Variants in SYT14 observed in about 807,000 individuals in gnomAD.
SYT14 encodes synaptotagmin-14.
SYT14 carries 32 observed loss-of-function variants against 74.2 expected under a neutral mutation model. The ratio of observed to expected loss-of-function variants is 0.43; its 90% confidence interval spans 0.33 to 0.58. The LOEUF (loss-of-function observed/expected upper bound fraction) is 0.58, where lower values mean the gene tolerates loss of function less well. Ranked by LOEUF, SYT14 falls within the 20% of genes least tolerant of loss-of-function variation. The pLI is 0.05. For synonymous variants in SYT14, 298 were observed against 337.7 expected (o/e 0.88, Z 1.29); for missense variants, 791 against 981.8 (o/e 0.81, Z 2.60).
chr1:209,964,009 T>C (rs534061086), intron 2 of SYT14, among the ~76,000 whole-genome samples: 101 of 152,348 alleles, frequency 6.6e-4, no homozygotes, highest in African/African-American at 2.3e-3. Context: ...TAAGTTGTTA[T>C]ACACGCTTGG....
intron 2 of SYT14, among the ~76,000 whole-genome samples, chr1:209,982,930 A>G (rs1013275403): frequency 6.6e-6 from 1 of 152,062 alleles, no homozygotes; most frequent in African/African-American, 2.4e-5. Context: ...CTTAATTTGC[A>G]TTACCCTGAT....
intron 7 of SYT14, among the ~76,000 whole-genome samples, chr1:210,101,302 A>G (rs2082061499): frequency 6.6e-6 from 1 of 152,162 alleles, no homozygotes; most frequent in Admixed American, 6.5e-5. Flanking sequence ...CATTTTTAAA[A>G]TATAAATATA....
At chr1:209,988,384 C>A (rs2079607621) in intron 2 of SYT14, among the ~76,000 whole-genome samples, 1 of 152,146 alleles carries the variant, frequency 6.6e-6, no homozygotes, top group Admixed American at 6.5e-5. Flanking sequence ...TTGTTAGTGT[C>A]CCTGTCTCCT....
intron 7 of SYT14, among the ~76,000 whole-genome samples, chr1:210,139,088 TTA>T (rs1253052639): frequency 2.3e-5 from 2 of 88,698 alleles, no homozygotes; most frequent in Non-Finnish European, 4.2e-5. Context: ...AAGAGTACTT[TTA>T]TTTTTTTTTT....
intron 9 of SYT14, 35 bp from the exon 9 acceptor site, chr1:210,160,694 T>C: frequency 6.3e-7 from 1 of 1,586,694 alleles, no homozygotes; most frequent in Non-Finnish European, 8.6e-7. Flanking sequence ...TTGTTTCAAA[T>C]GATATTTGTG....
intron 2 of SYT14, among the ~76,000 whole-genome samples, chr1:209,964,973 A>C (rs2079132615): frequency 6.6e-6 from 1 of 152,214 alleles, no homozygotes; most frequent in Non-Finnish European, 1.5e-5. Context: ...GGCCAACCTT[A>C]TAAGCAGGCT....
chr1:210,112,179 C>T (rs906431312), intron 7 of SYT14, among the ~76,000 whole-genome samples: 2 of 151,348 alleles, frequency 1.3e-5, no homozygotes, highest in South Asian at 2.1e-4. Context: ...TCTACCCAGA[C>T]CAAGTGGTAT....
Position 210,059,451 on chromosome 1 carries a change from T to TATATATAGAGAG in SYT14, c.1313-34870_1313-34869insTATATAGAGAGA, listed in dbSNP as rs377050610. Among the ~76,000 whole-genome samples, 260 of 69,878 alleles carry TATATATAGAGAG rather than the reference T, an allele frequency of 3.7e-3. 1 individual carries two copies. The highest frequency in any genetic ancestry group is 8.6e-3 in the African/African-American group (110 of 12,734). 45.8% of individuals were successfully genotyped at this position (69,878 alleles called of 152,430 possible). On this transcript the variant is annotated intron_variant, in intron 5 of 9. Transcript: ENST00000637265. The stretch of plus-strand genomic sequence containing the variant: ...GAATATATATATATATATATATATA[T>TATATATAGAGAG]AGAGAGAGAGAGAGAGAGAGAGAGA...
chr1:209,952,957 A>T, intron 2 of SYT14: 1 of 1,218,770 alleles, frequency 8.2e-7, no homozygotes, highest in Non-Finnish European at 1.1e-6. Context: ...CTTTATATTT[A>T]GTTTTGATGG....
intron 2 of SYT14, among the ~76,000 whole-genome samples, chr1:209,990,552 TATATATAC>T (rs1558114704): frequency 9.2e-6 from 1 of 109,258 alleles, no homozygotes; most frequent in African/African-American, 2.9e-5. Context: ...TATATATGTA[TATATATAC>T]GTATATATAT....
intron 5 of SYT14, among the ~76,000 whole-genome samples, chr1:210,031,288 A>G (rs1447430200): frequency 6.6e-6 from 1 of 152,050 alleles, no homozygotes; most frequent in Non-Finnish European, 1.5e-5. Flanking sequence ...AATAAAACCC[A>G]GTTGGTTGTG....
At position 210,000,613 on chromosome 1, in the gene SYT14, C is replaced by CTTTTTTTTTTTTTTTTTTTTTTT. The variant is rs71146203; in HGVS notation, c.-485-13001_-485-13000insTTTTTTTTTTTTTTTTTTTTTTT. ...TTTCATTAGGGCTGTTTTATGCCTT[C>CTTTTTTTTTTTTTTTTTTTTTTT]TTTTTTTTTTTTTTTTTTTGAGATA... On this transcript the variant is annotated intron_variant, in intron 2 of 9. Coordinates refer to ENST00000637265, the Ensembl canonical transcript of SYT14. 6.3e-4 allele frequency among the ~76,000 whole-genome samples: 66 copies of CTTTTTTTTTTTTTTTTTTTTTTT among 105,412 alleles called. 8 individuals are homozygous for CTTTTTTTTTTTTTTTTTTTTTTT. Among genetic ancestry groups the CTTTTTTTTTTTTTTTTTTTTTTT allele is most frequent in the East Asian group, 5.3e-3 (18 of 3,426 alleles). The allele number at this position is 105,412 out of a possible 152,430, so 69.2% of individuals were successfully genotyped here.
At chr1:210,145,882 C>A (rs2083022583) in intron 7 of SYT14, among the ~76,000 whole-genome samples, 1 of 152,132 alleles carries the variant, frequency 6.6e-6, no homozygotes, top group Non-Finnish European at 1.5e-5. Context: ...ATATTTTCTC[C>A]CATAAAATCT....
At chr1:210,075,074 T>C (rs572353969) in intron 5 of SYT14, among the ~76,000 whole-genome samples, 20 of 152,262 alleles carry the variant, frequency 1.3e-4, no homozygotes, top group African/African-American at 4.8e-4. Flanking sequence ...AGAAGGGAGA[T>C]GGTTTTCCCC....
intron 5 of SYT14, among the ~76,000 whole-genome samples, chr1:210,074,659 C>A (rs1308932439): frequency 6.6e-6 from 1 of 152,042 alleles, no homozygotes; most frequent in Non-Finnish European, 1.5e-5. Flanking sequence ...ACATTTTTTC[C>A]CAACTCTCCA....
chr1:209,967,380 G>C (rs1212028447), intron 2 of SYT14, among the ~76,000 whole-genome samples: 2 of 151,922 alleles, frequency 1.3e-5, no homozygotes, highest in Non-Finnish European at 1.5e-5. Flanking sequence ...ATATATAGTT[G>C]GTATTATTTC....
At chr1:210,162,391 TA>T (rs2083390715) in exon 10 of SYT14, 1 of 420,538 alleles carries the variant, frequency 2.4e-6, no homozygotes, top group Non-Finnish European at 4.7e-6. Context: ...GCTAACTTTT[TA>T]ATGGCAAGGC....
At chr1:210,097,575 T>C (rs567271971) in intron 6 of SYT14, among the ~76,000 whole-genome samples, 71 of 152,200 alleles carry the variant, frequency 4.7e-4, no homozygotes, top group Non-Finnish European at 8.8e-4. Context: ...AATAGCTATC[T>C]AGGACCTGAT....
rs2079656530 is a variant in SYT14, at chr1:209,990,549, G to GTATATATATACGTATATATATGTA, written c.-485-23082_-485-23059dup. ...CATATATATATATACGTATATATATGTATATATATACGTATATATATGTAT... is the reference window on the plus strand; with the variant it reads ...CATATATATATATACGTATATATATGTATATATATACGTATATATATGTATATATATATACGTATATATATGTAT... On this transcript the variant is annotated intron_variant, in intron 2 of 9. Coordinates refer to ENST00000637265, the Ensembl canonical transcript of SYT14. 2.6e-3 allele frequency among the ~76,000 whole-genome samples: 149 copies of GTATATATATACGTATATATATGTA among 56,806 alleles called. 7 individuals are homozygous for GTATATATATACGTATATATATGTA. The highest frequency in any genetic ancestry group is 5.2e-3 in the African/African-American group (136 of 26,202). 37.3% of individuals were successfully genotyped at this position (56,806 alleles called of 152,430 possible).
Sources: gnomAD v4.1 joint callset for allele counts (sites outside exome capture counted in the v4.1 genomes callset) on GRCh38, gnomAD v4.1.1 for gene constraint, MANE v1.5 for transcripts, NCBI Gene and HGNC (gene_info 2026-07-23, HGNC 2026-07-21) for gene names.